The following ROCK1 variants were observed in gnomAD, a reference collection of about 807,000 sequenced individuals.
ROCK1 encodes the protein Rho associated coiled-coil containing protein kinase 1.
ROCK1 carries 36 observed loss-of-function variants against 196.8 expected under a neutral mutation model. That is an observed-to-expected ratio of 0.18 (90% CI 0.14 to 0.24). The LOEUF (loss-of-function observed/expected upper bound fraction) is 0.24, where lower values mean the gene tolerates loss of function less well. Ranked by LOEUF, ROCK1 falls within the 10% of genes least tolerant of loss-of-function variation. The pLI is 1.00. For synonymous variants in ROCK1, 443 were observed against 515.9 expected (o/e 0.86, Z 1.91); for missense variants, 920 against 1,562.0 (o/e 0.59, Z 6.93).
At chr18:21,014,391 AT>A (rs1246892878) in intron 13 of ROCK1, among the ~76,000 whole-genome samples, 1 of 152,066 alleles carries the variant, frequency 6.6e-6, no homozygotes, top group African/African-American at 2.4e-5. Context: ...TTTATGTTTA[AT>A]GTTTAGGGTT....
In ROCK1 at chr18:21,042,674, T is replaced by A. The variant is rs1295020778; in HGVS notation, c.711A>T (p.Thr237=). ...ATACTTCAGGGGAAATATAATCAGGTGTTCCAACCGCTGTATCACATCGTA... is the reference window on the plus strand; with the variant it reads ...ATACTTCAGGGGAAATATAATCAGGAGTTCCAACCGCTGTATCACATCGTA... ...GMVRCDTAVG[T]PDYISPEVLK... The change falls in exon 7 of 33, where the codon ACA becomes ACT. Residue 237 remains threonine, a synonymous_variant. Coordinates refer to ENST00000399799, the MANE Select transcript of ROCK1 (RefSeq NM_005406.3). 6.2e-7 allele frequency: 1 copy of A among 1,613,738 alleles called. No homozygotes were observed. Among genetic ancestry groups the A allele is most frequent in the Non-Finnish European group, 8.5e-7 (1 of 1,179,754 alleles).
At chr18:21,078,781 T>C (rs1419693757) in intron 1 of ROCK1, among the ~76,000 whole-genome samples, 1 of 152,208 alleles carries the variant, frequency 6.6e-6, no homozygotes, top group African/African-American at 2.4e-5. Context: ...GTAATGCTGC[T>C]ACTAGAGCCT....
At chr18:21,029,406 T>C (rs1419179677) in intron 9 of ROCK1, among the ~76,000 whole-genome samples, 1 of 152,126 alleles carries the variant, frequency 6.6e-6, no homozygotes, top group African/African-American at 2.4e-5. Flanking sequence ...ACATCATAAT[T>C]TGGTACTGAA....
chr18:21,039,614 T>C (rs1313540348), intron 8 of ROCK1, 51 bp from the exon 9 acceptor site: 2 of 1,277,230 alleles, frequency 1.6e-6, no homozygotes, highest in Non-Finnish European at 2.3e-6. Context: ...GATCTTATTA[T>C]AACCTGTCCA....
chr18:20,958,102 T>TCTCA (rs1242734160), intron 29 of ROCK1, among the ~76,000 whole-genome samples: 2 of 152,212 alleles, frequency 1.3e-5, no homozygotes, highest in Non-Finnish European at 2.9e-5. Flanking sequence ...GAAAGAAATC[T>TCTCA]CTCATCAATC....
At chr18:21,003,139 T>C (rs1477573785) in intron 16 of ROCK1, among the ~76,000 whole-genome samples, 1 of 152,164 alleles carries the variant, frequency 6.6e-6, no homozygotes, top group Non-Finnish European at 1.5e-5. Flanking sequence ...ATCTAACGTC[T>C]AGTTTAAAGT....
At chr18:21,079,224 G>A (rs542608135) in intron 1 of ROCK1, among the ~76,000 whole-genome samples, 1 of 152,148 alleles carries the variant, frequency 6.6e-6, no homozygotes, top group Non-Finnish European at 1.5e-5. Context: ...TCCCTTCCTT[G>A]CAGGAGTGAA....
intron 16 of ROCK1, among the ~76,000 whole-genome samples, chr18:21,002,445 T>C (rs2035733080): frequency 6.6e-6 from 1 of 152,192 alleles, no homozygotes; most frequent in African/African-American, 2.4e-5. Flanking sequence ...TTTTAAAAAT[T>C]CACTAATCAT....
intron 9 of ROCK1, among the ~76,000 whole-genome samples, chr18:21,029,687 G>A (rs2035989887): frequency 6.6e-6 from 1 of 151,978 alleles, no homozygotes; most frequent in Non-Finnish European, 1.5e-5. Context: ...ATATAAAACC[G>A]TATGTGACAA....
At chr18:20,958,945 AAT>A (rs539358819) in intron 29 of ROCK1, among the ~76,000 whole-genome samples, 2,335 of 87,646 alleles carry the variant, frequency 0.027, 32 homozygotes, top group African/African-American at 0.051. Context: ...TATAAAAAAT[AAT>A]ATATATATTT....
chr18:20,966,892 T>C, intron 27 of ROCK1, 25 bp downstream of exon 27: 1 of 1,560,304 alleles, frequency 6.4e-7, no homozygotes, highest in Non-Finnish European at 8.8e-7. Context: ...TTATACATGT[T>C]TGAATGATAC....
At position 21,111,550 on chromosome 18, in the gene ROCK1, G is replaced by T; in HGVS notation, c.-640C>A. On this transcript the variant is annotated 5_prime_UTR_variant, in exon 1 of 33. Transcript: ENST00000399799. This position sits in a 1 kb window ranked among gnomAD's most constrained non-coding sequence, Gnocchi z 4.2. Reference sequence around the variant, plus strand: ...ATTTTGTCCCGTCGCTGCTGGGGCTGCTGCTACGGTGTCCGGTGGGGCAGG... The same window carrying T: ...ATTTTGTCCCGTCGCTGCTGGGGCTTCTGCTACGGTGTCCGGTGGGGCAGG... 1 of 170,128 alleles carries T rather than the reference G, an allele frequency of 5.9e-6. No individual in the cohort carries two copies. The highest frequency in any genetic ancestry group is 1.9e-4 in the South Asian group (1 of 5,308). 10.5% of individuals were successfully genotyped at this position (170,128 alleles called of 1,614,324 possible). A position where few individuals can be genotyped will look rare whatever the true frequency, so the allele number is the denominator to read the frequency against.
intron 18 of ROCK1, among the ~76,000 whole-genome samples, chr18:20,990,152 C>T (rs1421345881): frequency 2.6e-5 from 4 of 152,032 alleles, no homozygotes; most frequent in Non-Finnish European, 4.4e-5. Context: ...TGGACTAACA[C>T]TCAACTGCCT....
intron 1 of ROCK1, among the ~76,000 whole-genome samples, chr18:21,097,987 C>T (rs1256241011): frequency 6.6e-6 from 1 of 152,218 alleles, no homozygotes; most frequent in Non-Finnish European, 1.5e-5. Flanking sequence ...CATCATCATC[C>T]CATTTCAGAG....
intron 13 of ROCK1, among the ~76,000 whole-genome samples, chr18:21,009,520 T>C (rs2035798637): frequency 1.3e-5 from 2 of 152,184 alleles, no homozygotes; most frequent in African/African-American, 4.8e-5. Flanking sequence ...AACATTAGTA[T>C]ACAGGTTTTT....
intron 1 of ROCK1, among the ~76,000 whole-genome samples, chr18:21,104,473 T>G (rs561400161): frequency 3.4e-4 from 51 of 152,216 alleles, no homozygotes; most frequent in African/African-American, 1.2e-3. Flanking sequence ...GGCGGGCGCC[T>G]GTAGTCCCAG....
chr18:21,024,379 A>T (rs2143470448), intron 10 of ROCK1, among the ~76,000 whole-genome samples: 1 of 152,326 alleles, frequency 6.6e-6, no homozygotes, highest in East Asian at 1.9e-4. Context: ...CAATCTAAAT[A>T]GATCATATAT....
Position 20,955,255 on chromosome 18 carries a change from A to T in ROCK1, c.3513-10T>A. ...AACGTGAAACAGTTTACTAAAATGA[A>T]AATAAATACAGGCCATTTACAAAAA... On this transcript the variant is annotated splice_polypyrimidine_tract_variant and intron_variant, in intron 29 of 32. Coordinates refer to ENST00000399799, the MANE Select transcript of ROCK1 (RefSeq NM_005406.3). 6.3e-7 allele frequency: 1 copy of T among 1,591,250 alleles called. No individual in the cohort carries two copies. Among genetic ancestry groups the T allele is most frequent in the Non-Finnish European group, 8.6e-7 (1 of 1,168,780 alleles).
intron 2 of ROCK1, among the ~76,000 whole-genome samples, chr18:21,054,103 T>C (rs1028200654): frequency 1.3e-5 from 2 of 152,142 alleles, no homozygotes; most frequent in African/African-American, 2.4e-5. Context: ...TTTTAAAGTG[T>C]AGCAACGTCC....
Sources: allele counts gnomAD v4.1 joint callset (sites outside exome capture counted in the v4.1 genomes callset), GRCh38; gene constraint gnomAD v4.1.1; non-coding constraint Gnocchi (gnomAD v3.1); transcripts MANE v1.5; gene names NCBI Gene and HGNC (gene_info 2026-07-23, HGNC 2026-07-21).